DNER: variants seen among roughly 807,000 people sequenced by gnomAD.
The protein encoded by DNER is delta and Notch-like epidermal growth factor-related receptor.
DNER carries 33 observed loss-of-function variants against 78.2 expected under a neutral mutation model. That is an observed-to-expected ratio of 0.42 (90% CI 0.32 to 0.56). The LOEUF (loss-of-function observed/expected upper bound fraction) is 0.56, where lower values mean the gene tolerates loss of function less well. DNER is among the 20% of genes least tolerant of loss of function. The pLI is 0.11. For synonymous variants in DNER, 417 were observed against 384.8 expected (o/e 1.08, Z -0.98); for missense variants, 918 against 975.3 (o/e 0.94, Z 0.78).
chr2:229,563,285 AT>A (rs1461643493), intron 4 of DNER, among the ~76,000 whole-genome samples: 2 of 143,626 alleles, frequency 1.4e-5, no homozygotes, highest in Non-Finnish European at 3.0e-5. Flanking sequence ...CACCATCATC[AT>A]CCTCCTCCTC....
At position 229,363,184 on chromosome 2, in the gene DNER, G is replaced by C. The variant is rs867201456; in HGVS notation, c.2102+3689C>G. On this transcript the variant is annotated intron_variant, in intron 12 of 12. Coordinates refer to ENST00000341772, the MANE Select transcript of DNER (RefSeq NM_139072.4). ...CTCCTGGGATGAGGAAGAGAGGGAG[G>C]GGTCTCCTTCTCAACCCTACTAGGA... is the stretch of plus-strand genomic sequence containing the variant. 2.0e-5 allele frequency among the ~76,000 whole-genome samples: 3 copies of C among 152,140 alleles called. No homozygotes were observed. In the South Asian group the frequency reaches 6.2e-4, roughly 32 times the overall value.
chr2:229,482,929 A>G lies in DNER; in HGVS notation c.1148-5676T>C, dbSNP rs116762990. Reference sequence around the variant, plus strand: ...GACATGAAAATGTCTTAAGAGGGCTACAAAGAAAAGTGCAAAATCCAACTA... The same window carrying G: ...GACATGAAAATGTCTTAAGAGGGCTGCAAAGAAAAGTGCAAAATCCAACTA... On this transcript the variant is annotated intron_variant, in intron 6 of 12. Transcript: ENST00000341772. Among the ~76,000 whole-genome samples the G allele has an allele frequency of 5.4e-3, 818 of 152,318 alleles. 11 individuals carry two copies. The highest frequency in any genetic ancestry group is 0.018 in the African/African-American group (755 of 41,564).
intron 1 of DNER, among the ~76,000 whole-genome samples, chr2:229,645,511 C>T (rs902563816): frequency 6.6e-6 from 1 of 152,198 alleles, no homozygotes; most frequent in Non-Finnish European, 1.5e-5. Flanking sequence ...AACTGAGTTG[C>T]ACGTTCTTTT....
At chr2:229,544,510 T>A (rs2154213137) in intron 5 of DNER, among the ~76,000 whole-genome samples, 2 of 151,406 alleles carry the variant, frequency 1.3e-5, no homozygotes, top group South Asian at 4.1e-4. Context: ...TTTATTAATT[T>A]TTATTAAATA....
chr2:229,421,703 T>G (rs1036597617), intron 8 of DNER, among the ~76,000 whole-genome samples: 2 of 151,564 alleles, frequency 1.3e-5, no homozygotes, highest in African/African-American at 4.8e-5. Flanking sequence ...TATATATCCA[T>G]GTATATGTAA....
At position 229,447,585 on chromosome 2, in the gene DNER, G is replaced by A. The variant is rs1239435947; in HGVS notation, c.1262-45C>T. 1.9e-6 allele frequency: 3 copies of A among 1,573,048 alleles called. No homozygotes were observed. In the South Asian group the frequency reaches 3.5e-5, roughly 18 times the overall value. Reference sequence around the variant, plus strand: ...AGCTTAAAAAAACTAAAACACATTTGCACATAATAACTAATCAACTGAGTC... The same window carrying A: ...AGCTTAAAAAAACTAAAACACATTTACACATAATAACTAATCAACTGAGTC... On this transcript the variant is annotated intron_variant, in intron 7 of 12. Coordinates refer to ENST00000341772, the MANE Select transcript of DNER (RefSeq NM_139072.4).
At chr2:229,464,188 TG>T (rs1694757552) in intron 7 of DNER, among the ~76,000 whole-genome samples, 1 of 152,202 alleles carries the variant, frequency 6.6e-6, no homozygotes, top group African/African-American at 2.4e-5. Flanking sequence ...GGACCACATT[TG>T]TTCTGGTTCT....
intron 11 of DNER, among the ~76,000 whole-genome samples, chr2:229,378,750 G>A (rs1170571376): frequency 2.6e-5 from 4 of 152,164 alleles, no homozygotes; most frequent in Non-Finnish European, 5.9e-5. Context: ...AGACCTCAGA[G>A]GCCGTGGTTC....
chr2:229,449,892 C>T (rs1559354845), intron 7 of DNER, among the ~76,000 whole-genome samples: 1 of 152,208 alleles, frequency 6.6e-6, no homozygotes, highest in Non-Finnish European at 1.5e-5. Flanking sequence ...AGCGATTCTC[C>T]TGCCTCAGCC....
chr2:229,675,923 T>C (rs1383284426), intron 1 of DNER, among the ~76,000 whole-genome samples: 1 of 152,196 alleles, frequency 6.6e-6, no homozygotes, highest in Non-Finnish European at 1.5e-5. Flanking sequence ...CTGCCAGGGC[T>C]GCTCCACTGG....
At chr2:229,681,666 C>T (rs1426509774) in intron 1 of DNER, among the ~76,000 whole-genome samples, 2 of 152,178 alleles carry the variant, frequency 1.3e-5, no homozygotes, top group Non-Finnish European at 2.9e-5. Context: ...AGCCACACAA[C>T]ACCGCTCAAG....
At chr2:229,540,923 G>A (rs116620067) in intron 5 of DNER, among the ~76,000 whole-genome samples, 1,561 of 152,354 alleles carry the variant, frequency 0.01, 36 homozygotes, top group African/African-American at 0.035. Context: ...TCTTCTCAGA[G>A]TGGAGGCCTG....
intron 12 of DNER, among the ~76,000 whole-genome samples, chr2:229,365,757 G>A (rs761312896): frequency 2.6e-5 from 4 of 152,086 alleles, no homozygotes; most frequent in South Asian, 4.1e-4. Context: ...TGTCTTGACC[G>A]ATACCAACAT....
At chr2:229,685,576 A>G (rs1699471213) in intron 1 of DNER, among the ~76,000 whole-genome samples, 2 of 152,276 alleles carry the variant, frequency 1.3e-5, no homozygotes, top group African/African-American at 2.4e-5. Flanking sequence ...TCGTCATTAA[A>G]GAGAAATGGA....
At chr2:229,644,334 C>CTTTTTTTTTTTTTTT (rs5839345) in intron 1 of DNER, among the ~76,000 whole-genome samples, 1 of 97,506 alleles carries the variant, frequency 1.0e-5, no homozygotes, top group East Asian at 3.0e-4. Flanking sequence ...CTTGCTTTCT[C>CTTTTTTTTTTTTTTT]TTTTTTTTTT....
intron 1 of DNER, among the ~76,000 whole-genome samples, chr2:229,667,070 A>G (rs1323381474): frequency 6.6e-6 from 1 of 152,224 alleles, no homozygotes; most frequent in East Asian, 1.9e-4. Context: ...ATCACTCTGT[A>G]TTGTGTCAAG....
intron 11 of DNER, among the ~76,000 whole-genome samples, chr2:229,382,160 C>T (rs1413309285): frequency 1.3e-5 from 2 of 152,164 alleles, no homozygotes; most frequent in African/African-American, 4.8e-5. Context: ...CCAGCAGACC[C>T]ACAGCAGAGG....
chr2:229,560,508 G>A (rs1316492789), intron 4 of DNER, among the ~76,000 whole-genome samples: 1 of 152,114 alleles, frequency 6.6e-6, no homozygotes, highest in African/African-American at 2.4e-5. Context: ...ACTCGGAGGT[G>A]GGGGAAGACA....
At chr2:229,405,374 C>T (rs1291902506) in intron 10 of DNER, among the ~76,000 whole-genome samples, 3 of 152,022 alleles carry the variant, frequency 2.0e-5, no homozygotes, top group Admixed American at 6.6e-5. Flanking sequence ...TATGTATTCT[C>T]CTGTACCCTG....
Sources: gnomAD v4.1 joint callset for allele counts (sites outside exome capture counted in the v4.1 genomes callset) on GRCh38, gnomAD v4.1.1 for gene constraint, MANE v1.5 for transcripts, NCBI Gene and HGNC (gene_info 2026-07-23, HGNC 2026-07-21) for gene names.